Variants in SEC24D observed in about 807,000 individuals in gnomAD.
SEC24D encodes SEC24 homolog D, COPII component.
A neutral mutation model predicts 116.9 loss-of-function variants in SEC24D; 69 were observed. That is an observed-to-expected ratio of 0.59 (90% confidence interval 0.49 to 0.72). The LOEUF is 0.72. Ranked by LOEUF, SEC24D falls within the 30% of genes least tolerant of loss-of-function variation. The probability of loss-of-function intolerance (pLI) is 0.00; values close to 1 mark genes in which losing one functional copy is unlikely to be tolerated. For synonymous variants in SEC24D, 405 were observed against 442.8 expected, an observed-to-expected ratio of 0.91 and a Z score of 1.07; for missense variants, 1,131 against 1,264.1, an observed-to-expected ratio of 0.89 and a Z score of 1.60.
chr4:118,749,612 C>T (rs1438595988), intron 13 of SEC24D, among the ~76,000 whole-genome samples: 4 of 152,180 alleles, frequency 2.6e-5, no homozygotes, highest in Non-Finnish European at 5.9e-5. Flanking sequence ...AGTTATCTGG[C>T]TGACCAGCCA....
chr4:118,812,587 G>C (rs1372031428), intron 6 of SEC24D, among the ~76,000 whole-genome samples: 2 of 151,790 alleles, frequency 1.3e-5, no homozygotes, highest in Non-Finnish European at 2.9e-5. Flanking sequence ...CATGGGAAGA[G>C]GCGGAGTTTG....
chr4:118,763,707 T>C (rs926874005), intron 10 of SEC24D, among the ~76,000 whole-genome samples: 1 of 152,178 alleles, frequency 6.6e-6, no homozygotes, highest in African/African-American at 2.4e-5. Context: ...GTCCTGGGAA[T>C]AGTAATACCC....
intron 3 of SEC24D, among the ~76,000 whole-genome samples, chr4:118,819,339 G>A (rs1730289862): frequency 6.6e-6 from 1 of 151,980 alleles, no homozygotes; most frequent in African/African-American, 2.4e-5. Context: ...AGACCATCCT[G>A]GCTAACACGG....
intron 10 of SEC24D, among the ~76,000 whole-genome samples, chr4:118,762,614 A>C (rs2110468069): frequency 6.6e-6 from 1 of 152,362 alleles, no homozygotes; most frequent in Non-Finnish European, 1.5e-5. Context: ...ACATGTACAA[A>C]TTAAATAAGC....
intron 10 of SEC24D, among the ~76,000 whole-genome samples, chr4:118,759,492 C>T: frequency 6.6e-6 from 1 of 152,176 alleles, no homozygotes; most frequent in East Asian, 1.9e-4. Context: ...CATGTATGTA[C>T]TCTATAAAAT....
chr4:118,827,460 A>G (rs1040576282), intron 2 of SEC24D, among the ~76,000 whole-genome samples: 5 of 152,212 alleles, frequency 3.3e-5, no homozygotes, highest in Admixed American at 3.3e-4. Flanking sequence ...AAAATCTAAG[A>G]TCACAAGTTG....
rs925931834 is a variant in SEC24D, at chr4:118,731,441, C to G, written c.2743G>C (p.Glu915Gln). Residue 915 changes from glutamate to glutamine, a missense_variant, in exon 21 of 23, where the codon GAA becomes CAA. Physicochemically the swap from Glu to Gln is conservative, Grantham distance 29. Transcript: ENST00000280551. ...TTAGCCAGTAAGAATATTCCTTCTT[C>G]TGAAAGACGGGACTCAGAGCAACGA... ...AVRCSESRLSEEGIFLLANGL... is the reference protein window; with the variant it reads ...AVRCSESRLSQEGIFLLANGL... The G allele has an allele frequency of 3.7e-6, 6 of 1,614,108 alleles. No individual in the cohort carries two copies. Among genetic ancestry groups the G allele is most frequent in the Non-Finnish European group, 5.1e-6 (6 of 1,179,976 alleles).
At chr4:118,762,876 A>G (rs1727456990) in intron 10 of SEC24D, among the ~76,000 whole-genome samples, 1 of 152,186 alleles carries the variant, frequency 6.6e-6, no homozygotes, top group Non-Finnish European at 1.5e-5. Context: ...AGATACTAAG[A>G]CTTTTGTTCC....
chr4:118,744,590 C>T (rs976566072), intron 14 of SEC24D, among the ~76,000 whole-genome samples: 1 of 152,192 alleles, frequency 6.6e-6, no homozygotes, highest in Non-Finnish European at 1.5e-5. Flanking sequence ...GAACCCCACA[C>T]CTGTGCTTCA....
intron 8 of SEC24D, among the ~76,000 whole-genome samples, chr4:118,796,655 C>T (rs1366035844): frequency 1.3e-5 from 2 of 152,170 alleles, no homozygotes; most frequent in Non-Finnish European, 1.5e-5. Flanking sequence ...ACATAAAGCC[C>T]CACTCACCAT....
intron 8 of SEC24D, among the ~76,000 whole-genome samples, chr4:118,790,913 A>G (rs1433815216): frequency 6.7e-6 from 1 of 149,584 alleles, no homozygotes; most frequent in Non-Finnish European, 1.5e-5. Context: ...AAAACATAAA[A>G]TTTTACTAAC....
At chr4:118,748,005 C>A (rs1726626231) in intron 13 of SEC24D, among the ~76,000 whole-genome samples, 1 of 152,096 alleles carries the variant, frequency 6.6e-6, no homozygotes, top group Non-Finnish European at 1.5e-5. Flanking sequence ...GTGGCTCAGG[C>A]CTGTAATCCC....
chr4:118,724,484 A>G lies in SEC24D; in HGVS notation c.2959-829T>C, dbSNP rs141502847. On this transcript the variant is annotated intron_variant, in intron 22 of 22. Transcript: ENST00000280551. ...TTTCTAGACTTAGTATGAAAAATAA[A>G]ATATAAAAATATCTCAATAATTGAT... 3.6e-3 allele frequency among the ~76,000 whole-genome samples: 548 copies of G among 152,362 alleles called. 5 individuals carry two copies. Among genetic ancestry groups the G allele is most frequent in the African/African-American group, 0.013 (527 of 41,588 alleles).
intron 13 of SEC24D, among the ~76,000 whole-genome samples, chr4:118,748,697 CTTTT>C (rs759632227): frequency 6.8e-6 from 1 of 147,962 alleles, no homozygotes; most frequent in African/African-American, 2.5e-5. Context: ...TCTCTACCTG[CTTTT>C]TTTTTTAATA....
chr4:118,834,528 A>C (rs1003882240), intron 1 of SEC24D, among the ~76,000 whole-genome samples: 1 of 139,230 alleles, frequency 7.2e-6, no homozygotes, highest in Non-Finnish European at 1.7e-5. Flanking sequence ...ATTTGCTTTA[A>C]ATTTTCTATT....
intron 17 of SEC24D, 69 bp from the exon 18 acceptor site, chr4:118,739,356 C>T (rs1260311465): frequency 1.4e-6 from 2 of 1,473,036 alleles, no homozygotes; most frequent in Non-Finnish European, 1.9e-6. Context: ...CTTGATCTTA[C>T]TTGCATTTAC....
chr4:118,736,687 G>T (rs1479232504), intron 19 of SEC24D: 1 of 170,170 alleles, frequency 5.9e-6, no homozygotes, highest in Non-Finnish European at 1.3e-5. Flanking sequence ...CTCCATGATG[G>T]TTAATCATAA....
At chr4:118,741,918 C>T (rs565977926) in intron 15 of SEC24D, among the ~76,000 whole-genome samples, 42 of 152,212 alleles carry the variant, frequency 2.8e-4, no homozygotes, top group African/African-American at 9.4e-4. Flanking sequence ...AGAAATGCTA[C>T]GGCAGGATTC....
intron 10 of SEC24D, among the ~76,000 whole-genome samples, chr4:118,759,377 A>G (rs1446620717): frequency 2.0e-5 from 3 of 152,156 alleles, no homozygotes; most frequent in Non-Finnish European, 4.4e-5. Context: ...ACCATCTGAA[A>G]GCTTGTCATC....
Sources: gnomAD v4.1 joint callset for allele counts (sites outside exome capture counted in the v4.1 genomes callset) on GRCh38, gnomAD v4.1.1 for gene constraint, MANE v1.5 for transcripts, NCBI Gene and HGNC (gene_info 2026-07-23, HGNC 2026-07-21) for gene names.